Variants in HDAC9 observed in about 807,000 individuals in gnomAD.
HDAC9 encodes the protein MEF-2 interacting transcription repressor (MITR) protein.
In HDAC9, 41 loss-of-function variants were observed where a neutral mutation model predicts 139.4. That is an observed-to-expected ratio of 0.29 (90% CI 0.23 to 0.38). The LOEUF (loss-of-function observed/expected upper bound fraction) is 0.38. HDAC9 is among the 10% of genes least tolerant of loss of function. The pLI is 1.00. For missense variants in HDAC9, 1,147 were observed against 1,297.0 expected (o/e 0.88, Z 1.78); for synonymous variants, 517 against 476.2 (o/e 1.09, Z -1.12).
rs988934655 is a variant in HDAC9, at chr7:18,516,205, G to A, written c.22+19881G>A. On this transcript the variant is annotated intron_variant, in intron 2 of 25. Transcript: ENST00000686413. ...GTGTCATCCTAATTTATTATGTGCA[G>A]TATAGTTAGAGAATAAAACCTCAGA... Among the ~76,000 whole-genome samples, 4 of 152,282 alleles carry A rather than the reference G, an allele frequency of 2.6e-5. No individual in the cohort carries two copies. In the South Asian group the frequency reaches 6.2e-4, roughly 24 times the overall value.
At chr7:18,598,114 T>C (rs749952195) in intron 6 of HDAC9, among the ~76,000 whole-genome samples, 4 of 152,166 alleles carry the variant, frequency 2.6e-5, no homozygotes, top group Non-Finnish European at 5.9e-5. Flanking sequence ...TTATTTTTAA[T>C]AGTTTAGAAT....
At chr7:18,643,839 G>A (rs1786502970) in intron 8 of HDAC9, among the ~76,000 whole-genome samples, 1 of 151,970 alleles carries the variant, frequency 6.6e-6, no homozygotes, top group African/African-American at 2.4e-5. Context: ...TTGTTCCCTT[G>A]GGGACCATAT....
intron 17 of HDAC9, among the ~76,000 whole-genome samples, chr7:18,815,902 G>T (rs1794528010): frequency 6.6e-6 from 1 of 152,168 alleles, no homozygotes; most frequent in South Asian, 2.1e-4. Flanking sequence ...AATTTTCTTT[G>T]TGAAAATTCC....
intron 1 of HDAC9, among the ~76,000 whole-genome samples, chr7:18,118,141 ACTC>A (rs1427687746): frequency 6.6e-6 from 1 of 152,018 alleles, no homozygotes; most frequent in African/African-American, 2.4e-5. Context: ...TCTTTCATTT[ACTC>A]CTCACCAGAA....
chr7:18,912,760 G>T (rs906650375), intron 22 of HDAC9, among the ~76,000 whole-genome samples: 1 of 152,106 alleles, frequency 6.6e-6, no homozygotes, highest in East Asian at 1.9e-4. Context: ...ACTGTAAATT[G>T]CATAAATCGC....
chr7:18,416,962 G>A (rs1411651544), intron 1 of HDAC9, among the ~76,000 whole-genome samples: 1 of 151,998 alleles, frequency 6.6e-6, no homozygotes, highest in Non-Finnish European at 1.5e-5. Context: ...TATGCTTCTT[G>A]TGCTTGGGGT....
At chr7:18,277,920 A>G (rs1458977083) in intron 2 of HDAC9, among the ~76,000 whole-genome samples, 1 of 152,190 alleles carries the variant, frequency 6.6e-6, no homozygotes, top group East Asian at 1.9e-4. Flanking sequence ...GTTTTAAAAA[A>G]ACTTGTTATC....
intron 11 of HDAC9, among the ~76,000 whole-genome samples, chr7:18,654,089 G>T (rs772993561): frequency 6.6e-5 from 10 of 152,038 alleles, no homozygotes; most frequent in Non-Finnish European, 1.5e-4. Flanking sequence ...TTGAGAAGGA[G>T]ATTAATTAGA....
At chr7:18,739,689 G>A (rs1330592413) in intron 13 of HDAC9, among the ~76,000 whole-genome samples, 4 of 152,166 alleles carry the variant, frequency 2.6e-5, no homozygotes, top group Admixed American at 6.5e-5. Flanking sequence ...GGTCCCTACT[G>A]GGAGATGTCT....
chr7:18,629,621 C>A, intron 7 of HDAC9, 140 bp downstream of exon 7: 2 of 809,014 alleles, frequency 2.5e-6, no homozygotes, highest in South Asian at 4.2e-5. Context: ...TGAAAACTCA[C>A]AAGTAGTTCA....
At chr7:18,309,904 G>A (rs1310203128) in intron 1 of HDAC9, among the ~76,000 whole-genome samples, 1 of 152,124 alleles carries the variant, frequency 6.6e-6, no homozygotes, top group African/African-American at 2.4e-5. Context: ...AAATCCAGGT[G>A]GTCCTTGTTT....
chr7:18,614,200 C>G (rs566148218), intron 6 of HDAC9, among the ~76,000 whole-genome samples: 34 of 152,102 alleles, frequency 2.2e-4, no homozygotes, highest in Non-Finnish European at 3.8e-4. Flanking sequence ...CTCCACATCT[C>G]TAAACTTCAA....
intron 25 of HDAC9, among the ~76,000 whole-genome samples, chr7:18,980,330 T>TAATTTAGC (rs1784820684): frequency 6.6e-6 from 1 of 152,214 alleles, no homozygotes; most frequent in Non-Finnish European, 1.5e-5. Flanking sequence ...ATAAGATGCA[T>TAATTTAGC]AATTTAGCTT....
rs939772599 is a variant in HDAC9 at position 18,869,886 on chromosome 7, TG to T, written c.2685-4591del. Among the ~76,000 whole-genome samples, 74 of 114,204 alleles carry T rather than the reference TG, an allele frequency of 6.5e-4. 1 individual carries two copies. In the South Asian group the frequency reaches 0.014, roughly 21 times the overall value. 74.9% of individuals were successfully genotyped at this position (114,204 alleles called of 152,430 possible). A position where few individuals can be genotyped will look rare whatever the true frequency, so the allele number is the denominator to read the frequency against. ...GTAGCTTTCTTTTTTGGGTTTTTTT[TG>T]TTTTTTTTTTTTAGTGTGCTTCCAG... On this transcript the variant is annotated intron_variant, in intron 21 of 25. Coordinates refer to ENST00000686413, the MANE Select transcript of HDAC9 (RefSeq NM_178425.4).
intron 1 of HDAC9, among the ~76,000 whole-genome samples, chr7:18,129,266 C>A (rs193293203): frequency 6.6e-6 from 1 of 152,188 alleles, no homozygotes; most frequent in African/African-American, 2.4e-5. Flanking sequence ...AACTGATATA[C>A]CATGGAAATT....
At chr7:18,482,028 C>A (rs945252886) in intron 1 of HDAC9, among the ~76,000 whole-genome samples, 11 of 152,138 alleles carry the variant, frequency 7.2e-5, no homozygotes, top group South Asian at 2.1e-4. Context: ...TGGTTTCCTT[C>A]CAAGCCATTC....
chr7:18,538,451 C>T (rs529824732), intron 2 of HDAC9, among the ~76,000 whole-genome samples: 3 of 152,320 alleles, frequency 2.0e-5, no homozygotes, highest in East Asian at 3.9e-4. Flanking sequence ...GATGAAAGGA[C>T]AGTCTGACAA....
intron 11 of HDAC9, among the ~76,000 whole-genome samples, chr7:18,650,496 C>T (rs1007131039): frequency 1.3e-5 from 2 of 152,094 alleles, no homozygotes; most frequent in African/African-American, 4.8e-5. Context: ...AACTAATTGC[C>T]ACTGTTTCAG....
intron 1 of HDAC9, among the ~76,000 whole-genome samples, chr7:18,292,400 T>C (rs1366267892): frequency 6.6e-6 from 1 of 152,160 alleles, no homozygotes; most frequent in Admixed American, 6.6e-5. Context: ...GGTTTTGCTC[T>C]TAGGCTTCCT....
Sources: allele counts gnomAD v4.1 joint callset (sites outside exome capture counted in the v4.1 genomes callset), GRCh38; gene constraint gnomAD v4.1.1; transcripts MANE v1.5; gene names NCBI Gene and HGNC (gene_info 2026-07-23, HGNC 2026-07-21).